STAG1: variants seen among roughly 807,000 people sequenced by gnomAD.
STAG1 encodes STAG1 cohesin complex component.
A neutral mutation model predicts 170.9 loss-of-function variants in STAG1; 26 were observed. The observed-to-expected ratio is 0.15, with a 90% confidence interval of 0.11 to 0.21. The LOEUF is 0.21. Ranked by LOEUF, STAG1 falls within the 10% of genes least tolerant of loss-of-function variation. The pLI is 1.00. For synonymous variants in STAG1, 514 were observed against 497.7 expected, an observed-to-expected ratio of 1.03 and a Z score of -0.44; for missense variants, 964 against 1,509.5, an observed-to-expected ratio of 0.64 and a Z score of 5.99.
chr3:136,744,929 GC>G (rs1458192920), intron 1 of STAG1, among the ~76,000 whole-genome samples: 1 of 152,124 alleles, frequency 6.6e-6, no homozygotes, highest in Non-Finnish European at 1.5e-5. Flanking sequence ...ACCCGCCTCG[GC>G]CTCCCAGAGT....
chr3:136,611,016 C>T (rs1404828007), intron 3 of STAG1, among the ~76,000 whole-genome samples: 2 of 152,112 alleles, frequency 1.3e-5, no homozygotes, highest in East Asian at 1.9e-4. Context: ...GTGTGTCAGA[C>T]TTCCAGTTTT....
intron 1 of STAG1, among the ~76,000 whole-genome samples, chr3:136,748,265 C>T (rs904047104): frequency 2.0e-5 from 3 of 151,870 alleles, no homozygotes; most frequent in Non-Finnish European, 4.4e-5. Context: ...GCTAGGTGTA[C>T]TGGCACATGC....
At chr3:136,719,714 T>G (rs992388262) in intron 1 of STAG1, among the ~76,000 whole-genome samples, 1 of 149,272 alleles carries the variant, frequency 6.7e-6, no homozygotes, top group Admixed American at 6.7e-5. Context: ...TGGATCGATC[T>G]CAAAAAAGTA....
chr3:136,399,790 T>C (rs1176745761), intron 21 of STAG1, among the ~76,000 whole-genome samples: 3 of 152,112 alleles, frequency 2.0e-5, no homozygotes, highest in African/African-American at 7.2e-5. Context: ...TCCCAAAGAG[T>C]TTTTCCTTAT....
intron 1 of STAG1, among the ~76,000 whole-genome samples, chr3:136,671,124 A>G (rs972297303): frequency 6.6e-6 from 1 of 152,088 alleles, no homozygotes; most frequent in Non-Finnish European, 1.5e-5. Flanking sequence ...GTCTCTACTA[A>G]AAATACAAAA....
chr3:136,602,605 CT>C (rs1938726369), intron 4 of STAG1, among the ~76,000 whole-genome samples: 1 of 152,028 alleles, frequency 6.6e-6, no homozygotes, highest in Admixed American at 6.6e-5. Flanking sequence ...AATCCCAGCA[CT>C]TTGGAAGGCA....
At chr3:136,355,581 A>C (rs979632411) in intron 28 of STAG1, among the ~76,000 whole-genome samples, 2 of 152,146 alleles carry the variant, frequency 1.3e-5, no homozygotes, top group African/African-American at 2.4e-5. Flanking sequence ...CTAACTAGAC[A>C]GAACACACAT....
Position 136,398,799 on chromosome 3 carries a change from A to C in STAG1, c.2227T>G (p.Tyr743Asp). The change falls in exon 22 of 34, where the codon TAT (tyrosine) becomes GAT (aspartate). Residue 743 changes from tyrosine to aspartate, a missense_variant. Physicochemically the swap from Tyr to Asp is radical, Grantham distance 160. Around this residue, in one of 11 missense-constraint regions of STAG1, gnomAD observed 232 missense variants for 313.0 expected, o/e 0.74. Coordinates refer to ENST00000383202, the MANE Select transcript of STAG1 (RefSeq NM_005862.3). ...TTCACCAACTGCCAAAGAATCGAATAATGGGAACACTGCAGTGCTTGCACG... is the reference window on the plus strand; with the variant it reads ...TTCACCAACTGCCAAAGAATCGAATCATGGGAACACTGCAGTGCTTGCACG... ...IVVQALQCSH[Y>D]SILWQLVKIT... The C allele has an allele frequency of 6.2e-7, 1 of 1,601,782 alleles. No homozygotes were observed. Among genetic ancestry groups the C allele is most frequent in the South Asian group, 1.1e-5 (1 of 89,346 alleles).
intron 5 of STAG1, among the ~76,000 whole-genome samples, chr3:136,565,426 A>C (rs1000389814): frequency 2.0e-5 from 3 of 152,240 alleles, no homozygotes; most frequent in African/African-American, 7.2e-5. Flanking sequence ...CATGAAAAGA[A>C]GTTCAAGATC....
intron 1 of STAG1, among the ~76,000 whole-genome samples, chr3:136,677,960 T>C (rs1319196679): frequency 1.4e-5 from 2 of 147,596 alleles, no homozygotes; most frequent in Non-Finnish European, 3.0e-5. Flanking sequence ...TATATATGTA[T>C]ATAATATATA....
At chr3:136,538,751 G>A (rs928393953) in intron 6 of STAG1, among the ~76,000 whole-genome samples, 10 of 152,042 alleles carry the variant, frequency 6.6e-5, no homozygotes, top group Non-Finnish European at 1.0e-4. Context: ...CACTCCTCTC[G>A]TACGTTAAAA....
At chr3:136,635,028 G>A (rs1436173050) in intron 1 of STAG1, among the ~76,000 whole-genome samples, 1 of 152,164 alleles carries the variant, frequency 6.6e-6, no homozygotes, top group South Asian at 2.1e-4. Context: ...CCCAGGACCA[G>A]ATGGCCTTAC....
chr3:136,621,793 G>A (rs542632221), intron 3 of STAG1, among the ~76,000 whole-genome samples: 1 of 152,152 alleles, frequency 6.6e-6, no homozygotes, highest in South Asian at 2.1e-4. Flanking sequence ...GTAACTCACT[G>A]TAAAAGACAT....
intron 7 of STAG1, among the ~76,000 whole-genome samples, chr3:136,505,352 T>C (rs1166468254): frequency 1.3e-5 from 2 of 152,238 alleles, no homozygotes; most frequent in Non-Finnish European, 2.9e-5. Context: ...GTGGTACTGA[T>C]AGTGTCGTCT....
At chr3:136,691,706 G>C (rs888382480) in intron 1 of STAG1, among the ~76,000 whole-genome samples, 27 of 152,204 alleles carry the variant, frequency 1.8e-4, no homozygotes, top group Non-Finnish European at 2.8e-4. Context: ...TATTTAACTT[G>C]TGTCTTACTA....
At chr3:136,597,190 A>C (rs1938466884) in intron 4 of STAG1, among the ~76,000 whole-genome samples, 1 of 152,244 alleles carries the variant, frequency 6.6e-6, no homozygotes, top group African/African-American at 2.4e-5. Context: ...AATGAAAAAA[A>C]TATTCATTCC....
rs529191103 is a variant in STAG1 at position 136,691,430 on chromosome 3, C to CA, written c.-83-60450dup. On this transcript the variant is annotated intron_variant, in intron 1 of 33. Transcript: ENST00000383202. ...AGCCTGGGTGACAGAGCGAGACTCT[C>CA]AAAAAAAAAAAAAATTAGCTGGGCA... is the stretch of plus-strand genomic sequence containing the variant. 9.0e-3 allele frequency among the ~76,000 whole-genome samples: 1,188 copies of CA among 132,612 alleles called. 15 individuals are homozygous for CA. Among genetic ancestry groups the CA allele is most frequent in the South Asian group, 0.026 (107 of 4,136 alleles). 87.0% of individuals were successfully genotyped at this position (132,612 alleles called of 152,430 possible).
chr3:136,360,104 T>C (rs1284893118), intron 26 of STAG1, among the ~76,000 whole-genome samples: 1 of 152,126 alleles, frequency 6.6e-6, no homozygotes, highest in East Asian at 1.9e-4. Flanking sequence ...CCTGTGAAAA[T>C]AACAACAAAA....
At chr3:136,729,748 T>A (rs1162955160) in intron 1 of STAG1, among the ~76,000 whole-genome samples, 1 of 151,146 alleles carries the variant, frequency 6.6e-6, no homozygotes, top group African/African-American at 2.4e-5. Context: ...AATTTTTGTA[T>A]TAACATTTTT....
Sources: gnomAD v4.1 joint callset for allele counts (sites outside exome capture counted in the v4.1 genomes callset) on GRCh38, gnomAD v4.1.1 for gene constraint, gnomAD v4.1.1 regional missense constraint, MANE v1.5 for transcripts, NCBI Gene and HGNC (gene_info 2026-07-23, HGNC 2026-07-21) for gene names.